Variants in PCDHGB2 observed in about 807,000 individuals in gnomAD.
PCDHGB2 encodes protocadherin gamma-B2.
A neutral mutation model predicts 59.3 loss-of-function variants in PCDHGB2; 55 were observed. The ratio of observed to expected loss-of-function variants is 0.93; its 90% CI spans 0.75 to 1.16. PCDHGB2 has a LOEUF of 1.16. Among genes scored for constraint, PCDHGB2 ranks in the 50% most tolerant of loss-of-function variants. PCDHGB2 has a pLI of 0.00. For missense variants in PCDHGB2, 1,228 were observed against 1,198.5 expected (o/e 1.02, Z -0.36); for synonymous variants, 516 against 512.0 (o/e 1.01, Z -0.11).
intron 1 of PCDHGB2, chr5:141,419,098 G>A (rs993605209): frequency 8.7e-6 from 14 of 1,613,812 alleles, no homozygotes; most frequent in African/African-American, 2.7e-5. Context: ...TGGATCGGGA[G>A]CAGACCCCAG....
chr5:141,370,790 CT>C (rs776090899), intron 1 of PCDHGB2: 1 of 1,614,038 alleles, frequency 6.2e-7, no homozygotes, highest in East Asian at 2.2e-5. Context: ...ACCCACCGAC[CT>C]TTAGCCAAAA....
chr5:141,370,357 C>G, intron 1 of PCDHGB2: 2 of 1,511,536 alleles, frequency 1.3e-6, no homozygotes, highest in East Asian at 2.3e-5. Flanking sequence ...AAGATCTCCT[C>G]TCCTCGGATT....
chr5:141,367,008 A>G (rs1359337348), intron 1 of PCDHGB2: 3 of 436,014 alleles, frequency 6.9e-6, no homozygotes, highest in Admixed American at 4.1e-5. Flanking sequence ...CATTTTACCC[A>G]AATATTTTGT....
intron 1 of PCDHGB2, among the ~76,000 whole-genome samples, chr5:141,437,364 T>G (rs1026384836): frequency 6.6e-6 from 1 of 152,232 alleles, no homozygotes; most frequent in Non-Finnish European, 1.5e-5. Context: ...AAAATTGGAA[T>G]GTAATCAGTC....
At chr5:141,375,391 A>C in intron 1 of PCDHGB2, 1 of 1,613,938 alleles carries the variant, frequency 6.2e-7, no homozygotes, top group Non-Finnish European at 8.5e-7. Flanking sequence ...CTACAGAAAC[A>C]ATCATCTCTC....
At chr5:141,466,457 A>G (rs969935541) in intron 1 of PCDHGB2, among the ~76,000 whole-genome samples, 12 of 152,146 alleles carry the variant, frequency 7.9e-5, no homozygotes, top group Admixed American at 6.6e-4. Context: ...GGTGTTGGCT[A>G]TTGTTTCTGC....
At chr5:141,378,377 G>A (rs1488267882) in intron 1 of PCDHGB2, 1 of 152,208 alleles carries the variant, frequency 6.6e-6, no homozygotes, top group African/African-American at 2.4e-5. Flanking sequence ...ACAAAAATTA[G>A]CCAGGTGGGG....
rs1418195492 is a variant in PCDHGB2 at position 141,431,459 on chromosome 5, G to T, written c.2422-63348G>T. 4 of 1,613,692 alleles carry T rather than the reference G, an allele frequency of 2.5e-6. No homozygotes were observed. The highest frequency in any genetic ancestry group is 3.4e-6 in the Non-Finnish European group (4 of 1,179,994). Reference sequence around the variant, plus strand: ...CGCGCGCATCCGCGTGATGGTTCTGGATGCGAACGACAACGCACCAGCGTT... The same window carrying T: ...CGCGCGCATCCGCGTGATGGTTCTGTATGCGAACGACAACGCACCAGCGTT... On this transcript the variant is annotated intron_variant, in intron 1 of 3. Transcript: ENST00000522605. This position sits in a 1 kb window ranked among gnomAD's most constrained non-coding sequence, Gnocchi z 4.8.
intron 1 of PCDHGB2, chr5:141,383,563 C>T: frequency 6.2e-7 from 1 of 1,613,152 alleles, no homozygotes; most frequent in South Asian, 1.1e-5. Context: ...CGACCCGCCC[C>T]GATCCAGCAC....
At chr5:141,365,503 T>G (rs755169931) in intron 1 of PCDHGB2, 1 of 1,613,948 alleles carries the variant, frequency 6.2e-7, no homozygotes, top group Non-Finnish European at 8.5e-7. Flanking sequence ...GGAATTTGCC[T>G]TTTAAATTGG....
At chr5:141,362,712 C>G (rs1588580103) in intron 1 of PCDHGB2, 156 bp downstream of exon 1, 1 of 928,800 alleles carries the variant, frequency 1.1e-6, no homozygotes, top group African/African-American at 1.7e-5. Context: ...TAAGTGTTTT[C>G]TCTCTGAAGT....
At chr5:141,453,175 A>G (rs928062909) in intron 1 of PCDHGB2, among the ~76,000 whole-genome samples, 2 of 152,088 alleles carry the variant, frequency 1.3e-5, no homozygotes, top group African/African-American at 4.8e-5. Context: ...GTCCAGTGGT[A>G]CAATCACAGC....
intron 1 of PCDHGB2, chr5:141,410,123 C>A: frequency 1.2e-6 from 2 of 1,612,780 alleles, no homozygotes; most frequent in Non-Finnish European, 1.7e-6. Flanking sequence ...AGCCCGCCAG[C>A]GCCTGCTGGT....
intron 1 of PCDHGB2, chr5:141,414,532 C>T (rs747661760): frequency 1.9e-6 from 3 of 1,613,930 alleles, no homozygotes; most frequent in Admixed American, 3.3e-5. Flanking sequence ...CAATGACAAC[C>T]CACCTACCTT....
intron 1 of PCDHGB2, chr5:141,419,533 C>A: frequency 6.2e-7 from 1 of 1,612,106 alleles, no homozygotes; most frequent in Non-Finnish European, 8.5e-7. Flanking sequence ...GTAACGACAA[C>A]GCACCGCGGG....
rs759819103 is a variant in PCDHGB2, at chr5:141,398,546, T to A, written c.2421+35990T>A. On this transcript the variant is annotated intron_variant, in intron 1 of 3. Transcript: ENST00000522605. ...AAATTCACGCAAAATTCCTTTGAGC[T>A]GCAAATAAGTGAGTCTGCACAGCCT... 3.1e-6 allele frequency: 5 copies of A among 1,613,902 alleles called. No homozygotes were observed. The East Asian group carries it at 1.1e-4, about 36-fold the overall frequency.
intron 1 of PCDHGB2, chr5:141,364,513 G>A (rs1027493241): frequency 3.1e-6 from 5 of 1,613,934 alleles, no homozygotes; most frequent in South Asian, 1.1e-5. Context: ...AGCTGGCGGA[G>A]CGCGGAGTCC....
chr5:141,486,189 A>T lies in PCDHGB2; in HGVS notation c.2422-8618A>T, dbSNP rs761466492. 6.2e-7 allele frequency: 1 copy of T among 1,614,062 alleles called. No individual in the cohort carries two copies. Among genetic ancestry groups the T allele is most frequent in the Non-Finnish European group, 8.5e-7 (1 of 1,179,994 alleles). ...GAGCAACATTGCAGCCTTCGAGTGG[A>T]TCTGCTGGACGTAAATGACAATGCC... is the stretch of plus-strand genomic sequence containing the variant. On this transcript the variant is annotated intron_variant, in intron 1 of 3. Coordinates refer to ENST00000522605, the MANE Select transcript of PCDHGB2 (RefSeq NM_018923.3). The surrounding 1 kb of genome is among the most constrained non-coding windows in gnomAD (Gnocchi z 5.0).
chr5:141,462,477 G>A (rs1430561580), intron 1 of PCDHGB2, among the ~76,000 whole-genome samples: 1 of 151,828 alleles, frequency 6.6e-6, no homozygotes, highest in East Asian at 1.9e-4. Flanking sequence ...TCTGCTTCTC[G>A]TGGTTGTTGT....
Sources: gnomAD v4.1 joint callset for allele counts (sites outside exome capture counted in the v4.1 genomes callset) on GRCh38, gnomAD v4.1.1 for gene constraint, Gnocchi (gnomAD v3.1) non-coding constraint, MANE v1.5 for transcripts, NCBI Gene and HGNC (gene_info 2026-07-23, HGNC 2026-07-21) for gene names.